MED13L: variants seen among roughly 807,000 people sequenced by gnomAD.
The protein encoded by MED13L is mediator complex subunit 13L, also known as mediator of RNA polymerase II transcription subunit 13-like.
A neutral mutation model predicts 220.9 loss-of-function variants in MED13L; 7 were observed. The observed-to-expected ratio is 0.03, with a 90% CI of 0.02 to 0.06. MED13L has a LOEUF of 0.06. MED13L is among the 10% of genes least tolerant of loss of function. MED13L has a pLI of 1.00. For missense variants in MED13L, 1,965 were observed against 2,760.5 expected (o/e 0.71, Z 6.46); for synonymous variants, 1,011 against 1,015.2 (o/e 1.00, Z 0.08).
At chr12:116,271,040 C>CAA (rs58162276) in intron 1 of MED13L, among the ~76,000 whole-genome samples, 723 of 30,044 alleles carry the variant, frequency 0.024, 54 homozygotes, top group African/African-American at 0.035. Context: ...GACTCCGTCT[C>CAA]AAAAAAAAAA....
At chr12:116,018,799 G>A (rs1377808762) in intron 7 of MED13L, among the ~76,000 whole-genome samples, 1 of 151,686 alleles carries the variant, frequency 6.6e-6, no homozygotes, top group Non-Finnish European at 1.5e-5. Flanking sequence ...CATCTAACAG[G>A]GAAAAGAGTT....
At chr12:115,983,790 C>A (rs1472494800) in intron 20 of MED13L, among the ~76,000 whole-genome samples, 3 of 152,154 alleles carry the variant, frequency 2.0e-5, no homozygotes, top group Non-Finnish European at 4.4e-5. Flanking sequence ...GTGATAGTCT[C>A]CTTTCAGACT....
At chr12:116,010,778 A>G (rs971845028) in intron 9 of MED13L, among the ~76,000 whole-genome samples, 1 of 152,222 alleles carries the variant, frequency 6.6e-6, no homozygotes, top group Non-Finnish European at 1.5e-5. Flanking sequence ...GACAGATTAC[A>G]TCTAACAAGT....
intron 2 of MED13L, among the ~76,000 whole-genome samples, chr12:116,216,907 C>T (rs1034657488): frequency 6.6e-6 from 1 of 152,150 alleles, no homozygotes; most frequent in Non-Finnish European, 1.5e-5. Flanking sequence ...TACAAAAATA[C>T]CCGACAGTAA....
At chr12:116,145,019 G>C (rs1278437020) in intron 2 of MED13L, among the ~76,000 whole-genome samples, 1 of 152,170 alleles carries the variant, frequency 6.6e-6, no homozygotes, top group East Asian at 1.9e-4. Context: ...TCTGTTGTCA[G>C]TACACTGACT....
chr12:116,241,971 A>T (rs894193127), intron 1 of MED13L, among the ~76,000 whole-genome samples: 16 of 152,128 alleles, frequency 1.1e-4, no homozygotes, highest in African/African-American at 3.6e-4. Flanking sequence ...ATGTTTATTC[A>T]ATTAAGAGTA....
At chr12:116,080,360 TTAA>T (rs1871146207) in intron 4 of MED13L, among the ~76,000 whole-genome samples, 1 of 151,974 alleles carries the variant, frequency 6.6e-6, no homozygotes, top group African/African-American at 2.4e-5. Context: ...CCCAAGATAC[TTAA>T]GAAATTTTAT....
chr12:116,162,310 C>T (rs1011110868), intron 2 of MED13L, among the ~76,000 whole-genome samples: 1 of 152,134 alleles, frequency 6.6e-6, no homozygotes, highest in Non-Finnish European at 1.5e-5. Context: ...TGCCATTGCC[C>T]AGTAGAAGCT....
intron 4 of MED13L, among the ~76,000 whole-genome samples, chr12:116,068,590 C>A (rs1388310835): frequency 1.3e-5 from 2 of 152,178 alleles, no homozygotes; most frequent in Non-Finnish European, 1.5e-5. Context: ...TTTCTGACCT[C>A]TGCTGCCTCT....
intron 4 of MED13L, among the ~76,000 whole-genome samples, chr12:116,050,989 G>A (rs527924129): frequency 2.0e-5 from 3 of 151,884 alleles, no homozygotes; most frequent in African/African-American, 4.8e-5. Flanking sequence ...AAATATAAGT[G>A]CTCATTTTTC....
At chr12:116,210,821 G>A (rs1882652576) in intron 2 of MED13L, among the ~76,000 whole-genome samples, 1 of 151,904 alleles carries the variant, frequency 6.6e-6, no homozygotes, top group South Asian at 2.1e-4. Context: ...AAACTGGTAT[G>A]ATAATGAATA....
chr12:115,997,471 G>C (rs1218692713), intron 14 of MED13L, among the ~76,000 whole-genome samples: 2 of 152,188 alleles, frequency 1.3e-5, no homozygotes, highest in Non-Finnish European at 2.9e-5. Context: ...ACCCAGGCTG[G>C]AGTGCAGTGG....
At chr12:116,251,054 G>C (rs1871505645) in intron 1 of MED13L, among the ~76,000 whole-genome samples, 1 of 150,428 alleles carries the variant, frequency 6.6e-6, no homozygotes, top group South Asian at 2.1e-4. Flanking sequence ...GTAAAGGAAA[G>C]AGGTATATCT....
chr12:115,999,463 CA>C (rs1194217667), intron 14 of MED13L, among the ~76,000 whole-genome samples: 1 of 151,960 alleles, frequency 6.6e-6, no homozygotes, highest in Non-Finnish European at 1.5e-5. Context: ...TTCCTCCTCT[CA>C]AGCCGAAGAA....
chr12:116,131,050 G>GTATACA (rs1232765466), intron 2 of MED13L, among the ~76,000 whole-genome samples: 6 of 152,132 alleles, frequency 3.9e-5, no homozygotes, highest in Non-Finnish European at 8.8e-5. Flanking sequence ...AGTATACATT[G>GTATACA]TGGGCTTGGT....
intron 1 of MED13L, among the ~76,000 whole-genome samples, chr12:116,258,534 T>C (rs1288812146): frequency 6.6e-6 from 1 of 152,092 alleles, no homozygotes; most frequent in Non-Finnish European, 1.5e-5. Flanking sequence ...CCCAGCACTT[T>C]GGGAGGCCGA....
chr12:116,231,664 C>T (rs1869568477), intron 2 of MED13L, among the ~76,000 whole-genome samples: 2 of 151,970 alleles, frequency 1.3e-5, no homozygotes, highest in African/African-American at 4.8e-5. Context: ...TTAATTATAT[C>T]GATATTAAAT....
At chr12:116,128,231 T>C (rs1025421317) in intron 2 of MED13L, among the ~76,000 whole-genome samples, 16 of 152,172 alleles carry the variant, frequency 1.1e-4, no homozygotes, top group Non-Finnish European at 1.5e-5. Context: ...CAAAGAACCT[T>C]CCACAGAGAA....
chr12:116,228,713 T>G (rs989804294), intron 2 of MED13L, among the ~76,000 whole-genome samples: 3 of 152,244 alleles, frequency 2.0e-5, no homozygotes, highest in Non-Finnish European at 2.9e-5. Flanking sequence ...TTATTCCCTA[T>G]AAATGTGTAG....
Sources: gnomAD v4.1 joint callset for allele counts (sites outside exome capture counted in the v4.1 genomes callset) on GRCh38, gnomAD v4.1.1 for gene constraint, MANE v1.5 for transcripts, NCBI Gene and HGNC (gene_info 2026-07-23, HGNC 2026-07-21) for gene names.